The following ATP9B variants were observed in gnomAD, a reference collection of about 807,000 sequenced individuals.
ATP9B encodes ATPase phospholipid transporting 9B.
In ATP9B, 110 loss-of-function variants were observed where a neutral mutation model predicts 146.1. The observed-to-expected ratio is 0.75, with a 90% CI of 0.65 to 0.88. The LOEUF (loss-of-function observed/expected upper bound fraction) is 0.88, where lower values mean the gene tolerates loss of function less well. Ranked by LOEUF, ATP9B falls within the 40% of genes least tolerant of loss-of-function variation. The pLI, the probability that ATP9B is intolerant of heterozygous loss-of-function variation, is 0.00. For missense variants in ATP9B, 1,499 were observed against 1,496.4 expected, an observed-to-expected ratio of 1.00 and a Z score of -0.03; for synonymous variants, 604 against 569.7, an observed-to-expected ratio of 1.06 and a Z score of -0.86.
chr18:79,236,009 C>T (rs942902647), intron 11 of ATP9B, among the ~76,000 whole-genome samples: 3 of 151,956 alleles, frequency 2.0e-5, no homozygotes, highest in African/African-American at 7.3e-5. Context: ...AGGTGTGTAC[C>T]GAGCGAGTGG....
chr18:79,071,213 A>G (rs4553690), intron 1 of ATP9B, among the ~76,000 whole-genome samples: 19,992 of 151,066 alleles, frequency 0.13, 1,924 homozygotes, highest in African/African-American at 0.27. Flanking sequence ...GTATTTCACC[A>G]CTTCCAGTCA....
chr18:79,194,580 G>T (rs2095401010), intron 9 of ATP9B: 1 of 152,184 alleles, frequency 6.6e-6, no homozygotes, highest in African/African-American at 2.4e-5. Context: ...GCTTAGAAGA[G>T]AAATGATAAA....
chr18:79,189,978 C>T (rs768317703), intron 8 of ATP9B, among the ~76,000 whole-genome samples: 3 of 152,212 alleles, frequency 2.0e-5, no homozygotes, highest in Non-Finnish European at 2.9e-5. Context: ...GGAGCGGAGA[C>T]GGCTCACACA....
At chr18:79,204,270 T>C (rs1043926178) in intron 9 of ATP9B, among the ~76,000 whole-genome samples, 1 of 152,250 alleles carries the variant, frequency 6.6e-6, no homozygotes, top group Non-Finnish European at 1.5e-5. Context: ...AATAGTGGTG[T>C]GTTAGCTACT....
At chr18:79,327,725 TCGCCGTGGTTAGCGTG>T (rs1568699923) in intron 15 of ATP9B, among the ~76,000 whole-genome samples, 3 of 140,600 alleles carry the variant, frequency 2.1e-5, no homozygotes, top group African/African-American at 8.3e-5. Context: ...GTTAGCGTGC[TCGCCGTGGTTAGCGTG>T]CTCTCCGTGG....
intron 11 of ATP9B, among the ~76,000 whole-genome samples, chr18:79,231,803 T>TATATATATATATATACACACACACAC (rs569726473): frequency 3.5e-5 from 4 of 114,758 alleles, no homozygotes; most frequent in African/African-American, 1.0e-4. Flanking sequence ...TATATATATA[T>TATATATATATATATACACACACACAC]ACACACACAC....
intron 12 of ATP9B, among the ~76,000 whole-genome samples, chr18:79,269,839 A>C (rs981014701): frequency 1.3e-5 from 2 of 152,242 alleles, no homozygotes; most frequent in East Asian, 3.8e-4. Context: ...TCAGCTCCAC[A>C]AGCAGGCTCA....
intron 17 of ATP9B, chr18:79,333,039 C>G (rs993520152): frequency 6.6e-6 from 1 of 152,232 alleles, no homozygotes; most frequent in Non-Finnish European, 1.5e-5. Flanking sequence ...ACAGATTAAC[C>G]TTGATCAGCA....
intron 5 of ATP9B, among the ~76,000 whole-genome samples, chr18:79,140,343 A>G (rs2094498523): frequency 6.6e-6 from 1 of 152,086 alleles, no homozygotes; most frequent in African/African-American, 2.4e-5. Context: ...TTGGGGGGGA[A>G]TTTCTTTAGT....
At chr18:79,244,749 A>G (rs1020984704) in intron 11 of ATP9B, among the ~76,000 whole-genome samples, 10 of 152,194 alleles carry the variant, frequency 6.6e-5, no homozygotes, top group Non-Finnish European at 8.8e-5. Context: ...ACCTCCCAGA[A>G]GAAAGATTTG....
chr18:79,217,688 T>G (rs2095640843), intron 11 of ATP9B, among the ~76,000 whole-genome samples: 2 of 152,236 alleles, frequency 1.3e-5, no homozygotes, highest in South Asian at 4.1e-4. Context: ...AAGAGAATTG[T>G]GACATTGGTC....
chr18:79,327,363 G>A (rs2096753349), intron 15 of ATP9B, among the ~76,000 whole-genome samples: 1 of 152,204 alleles, frequency 6.6e-6, no homozygotes, highest in African/African-American at 2.4e-5. Context: ...GAACAGAGAG[G>A]AGACCCTGAG....
At chr18:79,172,263 C>T (rs1209102212) in intron 7 of ATP9B, among the ~76,000 whole-genome samples, 15 of 69,912 alleles carry the variant, frequency 2.1e-4, no homozygotes, top group African/African-American at 8.4e-4. Context: ...GCGTAGCCAC[C>T]GTGCCCCGCC....
At chr18:79,359,720 T>G in intron 26 of ATP9B, 2 of 430,698 alleles carry the variant, frequency 4.6e-6, no homozygotes, top group East Asian at 4.3e-5. Context: ...TACATACAAT[T>G]AGAATTGTAA....
chr18:79,306,936 A>T, intron 14 of ATP9B, 50 bp from the exon 15 acceptor site: 2 of 1,597,446 alleles, frequency 1.3e-6, no homozygotes, highest in Non-Finnish European at 1.7e-6. Context: ...TGTTAACTAG[A>T]TAGTTCTCTT....
At chr18:79,220,462 G>C (rs908076020) in intron 11 of ATP9B, among the ~76,000 whole-genome samples, 4 of 152,042 alleles carry the variant, frequency 2.6e-5, no homozygotes, top group South Asian at 2.1e-4. Context: ...TTCCCTGGGC[G>C]TGGTGGCATG....
chr18:79,074,636 C>T (rs2072383489), intron 1 of ATP9B, among the ~76,000 whole-genome samples: 1 of 152,228 alleles, frequency 6.6e-6, no homozygotes, highest in South Asian at 2.1e-4. Context: ...CCCCGGTATC[C>T]CCTGATGGGA....
intron 13 of ATP9B, among the ~76,000 whole-genome samples, chr18:79,296,542 A>T (rs1014273485): frequency 6.6e-6 from 1 of 152,244 alleles, no homozygotes; most frequent in Non-Finnish European, 1.5e-5. Flanking sequence ...TAAGGACAGG[A>T]AAGAACTAAA....
In ATP9B at chr18:79,297,194, G is replaced by T. The variant is rs184040712; in HGVS notation, c.1412-6410G>T. ...AGGACAAAGAGAGATGACCCAGAGA[G>T]GAGACACAGACGACCCAGAGAGAAG... On this transcript the variant is annotated intron_variant, in intron 13 of 29. Coordinates refer to ENST00000426216, the MANE Select transcript of ATP9B (RefSeq NM_198531.5). 3.0e-3 allele frequency among the ~76,000 whole-genome samples: 442 copies of T among 149,378 alleles called. 1 individual carries two copies. The highest frequency in any genetic ancestry group is 4.1e-3 in the Non-Finnish European group (277 of 67,400).
Sources: gnomAD v4.1 joint callset for allele counts (sites outside exome capture counted in the v4.1 genomes callset) on GRCh38, gnomAD v4.1.1 for gene constraint, MANE v1.5 for transcripts, NCBI Gene and HGNC (gene_info 2026-07-23, HGNC 2026-07-21) for gene names.